Variants in UNC5D observed in about 807,000 individuals in gnomAD.
The protein encoded by UNC5D is netrin receptor UNC5D.
Under a neutral mutation model 105.4 loss-of-function variants are expected in UNC5D, and 39 were observed. That is an observed-to-expected ratio of 0.37 (90% CI 0.29 to 0.48). The LOEUF is 0.48. UNC5D is among the 20% of genes least tolerant of loss of function. The pLI is 0.98. For synonymous variants in UNC5D, 452 were observed against 450.4 expected (o/e 1.00, Z -0.04); for missense variants, 991 against 1,202.4 (o/e 0.82, Z 2.60).
intron 4 of UNC5D, among the ~76,000 whole-genome samples, chr8:35,679,360 G>A (rs185424608): frequency 3.1e-4 from 47 of 152,296 alleles, no homozygotes; most frequent in African/African-American, 8.7e-4. Flanking sequence ...CCTCTGTGAA[G>A]AAATAACATT....
chr8:35,756,282 CA>C (rs1222862923), intron 13 of UNC5D, among the ~76,000 whole-genome samples: 1 of 151,872 alleles, frequency 6.6e-6, no homozygotes, highest in African/African-American at 2.4e-5. Flanking sequence ...GCGAAAAGAG[CA>C]AAAAATAAAT....
chr8:35,377,475 C>T (rs138345661), intron 1 of UNC5D, among the ~76,000 whole-genome samples: 5 of 152,234 alleles, frequency 3.3e-5, no homozygotes, highest in East Asian at 1.9e-4. Context: ...GTTATTAAAG[C>T]GGAGTGTTTC....
chr8:35,631,918 CA>C (rs1338381297), intron 4 of UNC5D, among the ~76,000 whole-genome samples: 2 of 152,110 alleles, frequency 1.3e-5, no homozygotes, highest in Non-Finnish European at 2.9e-5. Flanking sequence ...CTATATTAGC[CA>C]GAACAATTAA....
At chr8:35,663,365 C>T (rs753519852) in intron 4 of UNC5D, among the ~76,000 whole-genome samples, 4 of 152,274 alleles carry the variant, frequency 2.6e-5, no homozygotes, top group Non-Finnish European at 2.9e-5. Flanking sequence ...GAAAAAGATT[C>T]GAACAGCTCA....
intron 8 of UNC5D, among the ~76,000 whole-genome samples, chr8:35,716,720 G>A (rs1828269992): frequency 6.6e-6 from 1 of 152,166 alleles, no homozygotes; most frequent in Non-Finnish European, 1.5e-5. Context: ...TCGAGGTTGG[G>A]AAATTGGAAA....
chr8:35,236,233 C>G (rs984256566), intron 1 of UNC5D, among the ~76,000 whole-genome samples: 1 of 152,226 alleles, frequency 6.6e-6, no homozygotes, highest in African/African-American at 2.4e-5. Context: ...CACTTCCTCT[C>G]AAGCCGAGCT....
At chr8:35,644,258 G>A (rs1352273330) in intron 4 of UNC5D, among the ~76,000 whole-genome samples, 1 of 152,104 alleles carries the variant, frequency 6.6e-6, no homozygotes. Context: ...GACAGAAGTG[G>A]TTAACAGAGA....
intron 4 of UNC5D, among the ~76,000 whole-genome samples, chr8:35,632,367 G>A (rs115468361): frequency 0.016 from 2,442 of 152,304 alleles, 71 homozygotes; most frequent in African/African-American, 0.056. Context: ...TGTTTTGTGT[G>A]TCCTGTGGGA....
At chr8:35,772,338 T>C (rs1195828345) in intron 15 of UNC5D, among the ~76,000 whole-genome samples, 1 of 152,198 alleles carries the variant, frequency 6.6e-6, no homozygotes, top group East Asian at 1.9e-4. Context: ...CAAAAATCAT[T>C]ATCAATCATT....
At chr8:35,459,143 G>A (rs1297890954) in intron 1 of UNC5D, among the ~76,000 whole-genome samples, 8 of 152,064 alleles carry the variant, frequency 5.3e-5, no homozygotes, top group African/African-American at 1.9e-4. Context: ...GTGGTATGAG[G>A]GGAAGAAGGG....
chr8:35,771,682 C>G (rs1316781563), intron 15 of UNC5D, among the ~76,000 whole-genome samples: 1 of 152,194 alleles, frequency 6.6e-6, no homozygotes, highest in African/African-American at 2.4e-5. Context: ...TCAATGCCTA[C>G]CTATCTTTCA....
In UNC5D at chr8:35,628,940, G is replaced by A. The variant is rs570818016; in HGVS notation, c.570+33283G>A. Among the ~76,000 whole-genome samples the A allele has an allele frequency of 2.9e-4, 44 of 152,236 alleles. 1 individual carries two copies. The South Asian group carries it at 8.9e-3, about 31-fold the overall frequency. On this transcript the variant is annotated intron_variant, in intron 4 of 16. Coordinates refer to ENST00000404895, the MANE Select transcript of UNC5D (RefSeq NM_080872.4). ...TCCAACCCCCTGATTATACAGATGAGCAAAATCAATCTCAAAATGAAAACA... is the reference window on the plus strand; with the variant it reads ...TCCAACCCCCTGATTATACAGATGAACAAAATCAATCTCAAAATGAAAACA...
At chr8:35,785,979 T>C (rs761778484) in intron 16 of UNC5D, among the ~76,000 whole-genome samples, 6 of 152,158 alleles carry the variant, frequency 3.9e-5, no homozygotes, top group Non-Finnish European at 8.8e-5. Context: ...TGCTTAAGTT[T>C]TGATTTCGCA....
chr8:35,357,748 T>C (rs1460831598), intron 1 of UNC5D, among the ~76,000 whole-genome samples: 1 of 152,144 alleles, frequency 6.6e-6, no homozygotes, highest in Non-Finnish European at 1.5e-5. Flanking sequence ...GTTGTGGGAA[T>C]AAGTAAAGCC....
At chr8:35,273,205 T>G (rs896307893) in intron 1 of UNC5D, among the ~76,000 whole-genome samples, 5 of 152,192 alleles carry the variant, frequency 3.3e-5, no homozygotes, top group Non-Finnish European at 7.4e-5. Flanking sequence ...CAGATACAAG[T>G]TTTTGGAGTC....
At chr8:35,369,126 A>G (rs1802290912) in intron 1 of UNC5D, among the ~76,000 whole-genome samples, 1 of 152,164 alleles carries the variant, frequency 6.6e-6, no homozygotes, top group Non-Finnish European at 1.5e-5. Flanking sequence ...TTATCTAATG[A>G]TATACAATTT....
intron 1 of UNC5D, among the ~76,000 whole-genome samples, chr8:35,452,437 T>C (rs1808217418): frequency 1.3e-5 from 2 of 152,072 alleles, no homozygotes; most frequent in Non-Finnish European, 2.9e-5. Flanking sequence ...GCTATTTTTT[T>C]GTATTTTTAG....
At chr8:35,279,657 C>T (rs1806009890) in intron 1 of UNC5D, among the ~76,000 whole-genome samples, 1 of 152,212 alleles carries the variant, frequency 6.6e-6, no homozygotes, top group South Asian at 2.1e-4. Flanking sequence ...TGACTCTTTC[C>T]TTCTACCTTT....
intron 1 of UNC5D, among the ~76,000 whole-genome samples, chr8:35,488,423 G>T (rs1810969899): frequency 6.6e-6 from 1 of 152,206 alleles, no homozygotes; most frequent in Admixed American, 6.5e-5. Flanking sequence ...ATCAGCAGGG[G>T]TGCCACTGCC....
Sources: allele counts gnomAD v4.1 joint callset (sites outside exome capture counted in the v4.1 genomes callset), GRCh38; gene constraint gnomAD v4.1.1; transcripts MANE v1.5; gene names NCBI Gene and HGNC (gene_info 2026-07-23, HGNC 2026-07-21).